The following ASTN2 variants were observed in gnomAD, a reference collection of about 807,000 sequenced individuals.
The protein encoded by ASTN2 is astrotactin-2.
ASTN2 carries 54 observed loss-of-function variants against 139.8 expected under a neutral mutation model. The observed-to-expected ratio is 0.39, with a 90% confidence interval of 0.31 to 0.48. The LOEUF (loss-of-function observed/expected upper bound fraction) is 0.48, where lower values mean the gene tolerates loss of function less well. Ranked by LOEUF, ASTN2 falls within the 20% of genes least tolerant of loss-of-function variation. ASTN2 has a pLI of 0.95. For missense variants in ASTN2, 1,565 were observed against 1,725.1 expected, an observed-to-expected ratio of 0.91 and a Z score of 1.64; for synonymous variants, 756 against 719.5, an observed-to-expected ratio of 1.05 and a Z score of -0.81.
At chr9:117,326,269 G>C (rs2130840440) in intron 1 of ASTN2, among the ~76,000 whole-genome samples, 1 of 152,146 alleles carries the variant, frequency 6.6e-6, no homozygotes, top group Non-Finnish European at 1.5e-5. Flanking sequence ...TTTTAGTCCA[G>C]TGCCTTTTTT....
chr9:117,370,112 T>C (rs1829950434), intron 1 of ASTN2, among the ~76,000 whole-genome samples: 1 of 152,092 alleles, frequency 6.6e-6, no homozygotes, highest in Admixed American at 6.6e-5. Context: ...TGAATATAAA[T>C]GTGAAGGCTC....
intron 10 of ASTN2, among the ~76,000 whole-genome samples, chr9:116,917,742 A>G (rs1048306217): frequency 6.6e-6 from 1 of 152,162 alleles, no homozygotes; most frequent in Non-Finnish European, 1.5e-5. Context: ...TGATCATGTA[A>G]TTGGTTAATT....
rs929394684 is a variant in ASTN2, at chr9:117,141,472, G to C, written c.1022C>G (p.Ala341Gly). ...EKVDFEKKAAAEATQETVESL... is the reference protein window; with the variant it reads ...EKVDFEKKAAGEATQETVESL... ...CTCCACTGTCTCCTGAGTCGCCTCA[G>C]CTGCTGCTATAAGGTAGCAATGGGG... The change falls in exon 4 of 23, where the codon GCT becomes GGT. Residue 341 changes from alanine to glycine, a missense_variant. Physicochemically the swap from Ala to Gly is moderately conservative, Grantham distance 60. Coordinates refer to ENST00000313400, the MANE Select transcript of ASTN2 (RefSeq NM_001365068.1). 2 of 1,366,838 alleles carry C rather than the reference G, an allele frequency of 1.5e-6. No individual in the cohort carries two copies. The highest frequency in any genetic ancestry group is 3.0e-5 in the African/African-American group (2 of 67,746). The allele number at this position is 1,366,838 out of a possible 1,614,324, so 84.7% of individuals were successfully genotyped here.
rs1351433315 is a variant in ASTN2 at position 116,565,381 on chromosome 9, CTCTCTCCATATATA to C, written c.3355+52929_3355+52942del. 0.015 allele frequency among the ~76,000 whole-genome samples: 503 copies of C among 34,678 alleles called. 35 individuals are homozygous for C. The East Asian group carries it at 0.2, about 14-fold the overall frequency. 22.8% of individuals were successfully genotyped at this position (34,678 alleles called of 152,430 possible). On this transcript the variant is annotated intron_variant, in intron 19 of 22. Transcript: ENST00000313400. ...TCTCTCTCTCTCTCTCTCTCTCTCT[CTCTCTCCATATATA>C]TATATATATATATATATATATATAT...
In ASTN2 at chr9:116,931,837, T is replaced by C. The variant is rs1755103511; in HGVS notation, c.1889+43371A>G. Among the ~76,000 whole-genome samples the C allele has an allele frequency of 2.0e-5, 3 of 152,094 alleles. No homozygotes were observed. In the South Asian group the frequency reaches 6.2e-4, roughly 32 times the overall value. ...GGGGTTGAGTAATTTCAGGAAAATA[T>C]TAAGAGGTAGATTTGAGCTGAGATC... is the stretch of plus-strand genomic sequence containing the variant. On this transcript the variant is annotated intron_variant, in intron 10 of 22. Coordinates refer to ENST00000313400, the MANE Select transcript of ASTN2 (RefSeq NM_001365068.1).
At chr9:117,271,626 T>G (rs942078755) in intron 2 of ASTN2, among the ~76,000 whole-genome samples, 3 of 152,186 alleles carry the variant, frequency 2.0e-5, no homozygotes, top group Non-Finnish European at 2.9e-5. Context: ...AGTTACTTCC[T>G]AGACACAATG....
At chr9:117,275,780 G>C (rs1286788643) in intron 2 of ASTN2, among the ~76,000 whole-genome samples, 1 of 152,030 alleles carries the variant, frequency 6.6e-6, no homozygotes, top group Non-Finnish European at 1.5e-5. Flanking sequence ...TGACCAGGCT[G>C]TTCTCACTCG....
At chr9:116,858,656 C>T (rs535613949) in intron 11 of ASTN2, among the ~76,000 whole-genome samples, 1 of 152,142 alleles carries the variant, frequency 6.6e-6, no homozygotes, top group Non-Finnish European at 1.5e-5. Flanking sequence ...TTCTAATATA[C>T]AACAATTTTT....
chr9:117,251,287 AT>A (rs57577627), intron 2 of ASTN2, among the ~76,000 whole-genome samples: 16,830 of 145,782 alleles, frequency 0.12, 1,481 homozygotes, highest in African/African-American at 0.24. Flanking sequence ...AACAAATGCT[AT>A]TTTTTTTTTT....
chr9:117,213,163 A>T (rs1404537867), intron 3 of ASTN2, among the ~76,000 whole-genome samples: 1 of 152,202 alleles, frequency 6.6e-6, no homozygotes, highest in African/African-American at 2.4e-5. Flanking sequence ...ACATTATATT[A>T]AGCAAAATAA....
intron 15 of ASTN2, among the ~76,000 whole-genome samples, chr9:116,728,161 A>G (rs1828681400): frequency 6.6e-6 from 1 of 152,150 alleles, no homozygotes; most frequent in Admixed American, 6.5e-5. Flanking sequence ...TCCATCATAC[A>G]TGAGCACCAA....
intron 2 of ASTN2, among the ~76,000 whole-genome samples, chr9:117,284,029 T>C (rs1204567544): frequency 6.6e-6 from 1 of 152,168 alleles, no homozygotes; most frequent in African/African-American, 2.4e-5. Flanking sequence ...TTGAATTGGG[T>C]CCTCCAAAAG....
At chr9:117,149,820 C>T (rs569431595) in intron 3 of ASTN2, among the ~76,000 whole-genome samples, 1 of 152,214 alleles carries the variant, frequency 6.6e-6, no homozygotes, top group East Asian at 1.9e-4. Context: ...AAAATGGCTC[C>T]CTCTTTCCAA....
intron 2 of ASTN2, among the ~76,000 whole-genome samples, chr9:117,261,481 AC>A (rs1833821259): frequency 6.6e-6 from 1 of 152,194 alleles, no homozygotes; most frequent in Non-Finnish European, 1.5e-5. Flanking sequence ...GCTTGAATTC[AC>A]CAGGTGTTAT....
intron 1 of ASTN2, among the ~76,000 whole-genome samples, chr9:117,349,679 A>G (rs890018897): frequency 7.2e-5 from 11 of 152,194 alleles, no homozygotes; most frequent in African/African-American, 2.7e-4. Flanking sequence ...CTTCTAATGA[A>G]TAAAGTAAGT....
chr9:116,519,236 A>G (rs1194651662), intron 19 of ASTN2, among the ~76,000 whole-genome samples: 1 of 152,136 alleles, frequency 6.6e-6, no homozygotes, highest in East Asian at 1.9e-4. Flanking sequence ...AATATTCTCC[A>G]AGATAGACCA....
At chr9:117,041,112 A>G (rs1028965480) in intron 5 of ASTN2, among the ~76,000 whole-genome samples, 1 of 152,164 alleles carries the variant, frequency 6.6e-6, no homozygotes, top group Non-Finnish European at 1.5e-5. Context: ...TACGAAAAGT[A>G]GATTGGATCT....
chr9:117,297,642 G>A (rs1834769079), intron 1 of ASTN2, among the ~76,000 whole-genome samples: 6 of 152,192 alleles, frequency 3.9e-5, no homozygotes, highest in Admixed American at 3.9e-4. Flanking sequence ...ATTGATAACA[G>A]CAAGGAATTG....
At chr9:116,893,535 C>A (rs568195536) in intron 10 of ASTN2, among the ~76,000 whole-genome samples, 2 of 152,246 alleles carry the variant, frequency 1.3e-5, no homozygotes, top group East Asian at 3.9e-4. Context: ...CTCAGTCCCC[C>A]AGTTGTAAAC....
Sources: allele counts gnomAD v4.1 joint callset (sites outside exome capture counted in the v4.1 genomes callset), GRCh38; gene constraint gnomAD v4.1.1; transcripts MANE v1.5; gene names NCBI Gene and HGNC (gene_info 2026-07-23, HGNC 2026-07-21).